TBL3: variants seen among roughly 807,000 people sequenced by gnomAD.
TBL3 encodes transducin beta like 3, also known as transducin beta-like protein 3.
TBL3 carries 71 observed loss-of-function variants against 102.7 expected under a neutral mutation model. That is an observed-to-expected ratio of 0.69 (90% CI 0.57 to 0.84). The LOEUF is 0.84. TBL3 is among the 40% of genes least tolerant of loss of function. TBL3 has a pLI of 0.00. For missense variants in TBL3, 1,188 were observed against 1,098.5 expected (o/e 1.08, Z -1.15); for synonymous variants, 578 against 477.7 (o/e 1.21, Z -2.74).
chr16:1,981,220 G>A lies in TBL3; in HGVS notation c.*2535G>A. On this transcript the variant is annotated 3_prime_UTR_variant, in exon 22 of 22. Coordinates refer to ENST00000568546, the MANE Select transcript of TBL3 (RefSeq NM_006453.3). Reference sequence around the variant, plus strand: ...GCTGCAGATTCCTGAAATGGGCGAGGACCCTTCTGCCTCCCCGTGCTTGAG... The same window carrying A: ...GCTGCAGATTCCTGAAATGGGCGAGAACCCTTCTGCCTCCCCGTGCTTGAG... 3.1e-6 allele frequency: 5 copies of A among 1,612,330 alleles called. No homozygotes were observed. Among genetic ancestry groups the A allele is most frequent in the Non-Finnish European group, 4.2e-6 (5 of 1,179,712 alleles).
Position 1,980,806 on chromosome 16 carries a change from G to T in TBL3, c.*2121G>T. On this transcript the variant is annotated 3_prime_UTR_variant, in exon 22 of 22. Coordinates refer to ENST00000568546, the MANE Select transcript of TBL3 (RefSeq NM_006453.3). The stretch of plus-strand genomic sequence containing the variant: ...TTGAGAGGGCGGGGTCCCTCACCCG[G>T]ATGGCAGGGGCTGGGAGCTTCAGCA... 6.7e-7 allele frequency: 1 copy of T among 1,497,328 alleles called. No individual in the cohort carries two copies. Among genetic ancestry groups the T allele is most frequent in the Non-Finnish European group, 9.1e-7 (1 of 1,095,074 alleles). The allele number at this position is 1,497,328 out of a possible 1,614,324, so 92.8% of individuals were successfully genotyped here. A position where few individuals can be genotyped will look rare whatever the true frequency, so the allele number is the denominator to read the frequency against.
intron 1 of TBL3, among the ~76,000 whole-genome samples, chr16:1,972,702 G>A (rs982372847): frequency 2.6e-5 from 4 of 152,226 alleles, no homozygotes; most frequent in African/African-American, 9.6e-5. Flanking sequence ...AGCAGTGCTG[G>A]TGCCCCCGCC....
intron 1 of TBL3, among the ~76,000 whole-genome samples, chr16:1,973,749 C>G (rs974437569): frequency 1.3e-5 from 2 of 152,162 alleles, no homozygotes; most frequent in Admixed American, 6.5e-5. Flanking sequence ...TCCCAAGGAG[C>G]CCCCTGGCTC....
chr16:1,974,517 C>T (rs925116125), intron 4 of TBL3, 21 bp from the exon 5 acceptor site: 4 of 1,591,766 alleles, frequency 2.5e-6, no homozygotes, highest in East Asian at 2.2e-5. Flanking sequence ...TGCCCCTCTG[C>T]TGACCTGTAC....
chr16:1,978,140 C>G lies in TBL3; in HGVS notation c.2063-9C>G, dbSNP rs772731053. ...GCTTTCCCCAGCTCAGCCTTCCCTT[C>G]TCCCACAGCCATCCGGAGGGACCCT... is the stretch of plus-strand genomic sequence containing the variant. On this transcript the variant is annotated splice_polypyrimidine_tract_variant and intron_variant, in intron 19 of 21. Coordinates refer to ENST00000568546, the MANE Select transcript of TBL3 (RefSeq NM_006453.3). 3.5e-5 allele frequency: 57 copies of G among 1,612,408 alleles called. 1 individual carries two copies. The East Asian group carries it at 1.2e-3, about 33-fold the overall frequency.
Position 1,979,263 on chromosome 16 carries a change from C to G in TBL3, c.*578C>G, listed in dbSNP as rs770391779. 1.1e-5 allele frequency: 17 copies of G among 1,537,632 alleles called. No individual in the cohort carries two copies. Among genetic ancestry groups the G allele is most frequent in the Non-Finnish European group, 6.1e-6 (7 of 1,149,292 alleles). On this transcript the variant is annotated 3_prime_UTR_variant, in exon 22 of 22. Coordinates refer to ENST00000568546, the MANE Select transcript of TBL3 (RefSeq NM_006453.3). ...GGCCTCACCCGCCGGGTCGTCTCCT[C>G]CACGGAACCCCGTCCCGCTCAGGAG...
At chr16:1,976,783 C>G (rs559011354) in intron 13 of TBL3, 31 bp from the exon 14 acceptor site, 4 of 1,610,770 alleles carry the variant, frequency 2.5e-6, no homozygotes, top group Non-Finnish European at 3.4e-6. Flanking sequence ...TGGGGCTCAG[C>G]TGTGTCTCCT....
At chr16:1,976,571 G>T (rs1175963990) in intron 13 of TBL3, among the ~76,000 whole-genome samples, 5 of 152,228 alleles carry the variant, frequency 3.3e-5, no homozygotes, top group Non-Finnish European at 7.4e-5. Context: ...GGCCCAGGTG[G>T]AGAGGTGACC....
chr16:1,977,495 C>G lies in TBL3; in HGVS notation c.1743-19C>G, dbSNP rs2083413208. The stretch of plus-strand genomic sequence containing the variant: ...GGGGGACCTGCCTGACGCTGAGCCT[C>G]TCCCCACCCCAAACCCAGCGGTTCG... On this transcript the variant is annotated intron_variant, in intron 16 of 21. Coordinates refer to ENST00000568546, the MANE Select transcript of TBL3 (RefSeq NM_006453.3). 3 of 1,609,468 alleles carry G rather than the reference C, an allele frequency of 1.9e-6. No individual in the cohort carries two copies. Among genetic ancestry groups the G allele is most frequent in the African/African-American group, 1.3e-5 (1 of 74,976 alleles).
Position 1,978,847 on chromosome 16 carries a change from G to T in TBL3, c.*162G>T, listed in dbSNP as rs1377325850. ...CACTGGAGCTGATGGTCTCGGCCCT[G>T]CCACGCCCATCCCGCACCCTGGCCT... is the stretch of plus-strand genomic sequence containing the variant. On this transcript the variant is annotated 3_prime_UTR_variant, in exon 22 of 22. Transcript: ENST00000568546. 2.6e-6 allele frequency: 3 copies of T among 1,156,320 alleles called. No homozygotes were observed. The highest frequency in any genetic ancestry group is 2.5e-5 in the East Asian group (1 of 40,502). The allele number at this position is 1,156,320 out of a possible 1,614,324, so 71.6% of individuals were successfully genotyped here.
At position 1,972,177 on chromosome 16, in the gene TBL3, G is replaced by A; in HGVS notation, c.13G>A (p.Ala5Thr). ...CGGCGGCGGCAACATGGCAGAGACC[G>A]CGGCCGGAGTGGGCCGCTTCAAGAC... MAET[A>T]AGVGRFKTNY... The change falls in exon 1 of 22, where the codon GCG becomes ACG. Residue 5 changes from alanine (A) to threonine (T), a missense_variant. By Grantham distance (58) the Ala-to-Thr change is moderately conservative (BLOSUM62 0). Coordinates refer to ENST00000568546, the MANE Select transcript of TBL3 (RefSeq NM_006453.3). 6.9e-7 allele frequency: 1 copy of A among 1,440,622 alleles called. No homozygotes were observed. Among genetic ancestry groups the A allele is most frequent in the Non-Finnish European group, 9.1e-7 (1 of 1,096,256 alleles). The allele number at this position is 1,440,622 out of a possible 1,614,324, so 89.2% of individuals were successfully genotyped here.
intron 1 of TBL3, among the ~76,000 whole-genome samples, chr16:1,973,171 G>T (rs1052038216): frequency 3.9e-4 from 59 of 152,186 alleles, no homozygotes; most frequent in African/African-American, 1.2e-3. Flanking sequence ...GCCGGGCGCG[G>T]TGGCTCACGC....
chr16:1,974,919 C>A lies in TBL3; in HGVS notation c.465-9C>A. ...CACAGCTCACCCATCCTGTCCCGTC[C>A]GCCCACAGCCTAGTGGCCTTCCACC... is the stretch of plus-strand genomic sequence containing the variant. On this transcript the variant is annotated splice_polypyrimidine_tract_variant and intron_variant, in intron 6 of 21. Transcript: ENST00000568546. 1 of 1,612,118 alleles carries A rather than the reference C, an allele frequency of 6.2e-7. No homozygotes were observed. The highest frequency in any genetic ancestry group is 8.5e-7 in the Non-Finnish European group (1 of 1,179,822).
At position 1,974,300 on chromosome 16, in the gene TBL3, C is replaced by T; in HGVS notation, c.189+8C>T. ...CTGCGGAGTCTGGAGCAGGTGAGGGCAGCCTGGGTGGGTGAGGGGCAAGTG... is the reference window on the plus strand; with the variant it reads ...CTGCGGAGTCTGGAGCAGGTGAGGGTAGCCTGGGTGGGTGAGGGGCAAGTG... On this transcript the variant is annotated splice_region_variant and intron_variant, in intron 3 of 21. Transcript: ENST00000568546. The T allele has an allele frequency of 6.3e-7, 1 of 1,585,720 alleles. No homozygotes were observed. The highest frequency in any genetic ancestry group is 8.6e-7 in the Non-Finnish European group (1 of 1,163,408).
chr16:1,980,870 C>T lies in TBL3; in HGVS notation c.*2185C>T. 1.7e-6 allele frequency: 2 copies of T among 1,147,522 alleles called. No individual in the cohort carries two copies. The highest frequency in any genetic ancestry group is 2.4e-6 in the Non-Finnish European group (2 of 834,438). The allele number at this position is 1,147,522 out of a possible 1,614,324, so 71.1% of individuals were successfully genotyped here. The stretch of plus-strand genomic sequence containing the variant: ...TCCAGTGGGAGTCACTGATGGGAGG[C>T]AGTCCAGTGGGAGGCAGCCGCGTGG... On this transcript the variant is annotated 3_prime_UTR_variant, in exon 22 of 22. Transcript: ENST00000568546.
rs768321102 is a variant in TBL3 at position 1,977,567 on chromosome 16, G to A, written c.1796G>A (p.Arg599Gln). 12 of 1,589,500 alleles carry A rather than the reference G, an allele frequency of 7.5e-6. No individual in the cohort carries two copies. The highest frequency in any genetic ancestry group is 2.3e-5 in the South Asian group (2 of 88,462). ...ACCATCAAGAACAACGAGTGTGTGC[G>A]GACGCTGGATGCCCACGAGGACAAG... ...LWTIKNNECVRTLDAHEDKVW... is the reference protein window; with the variant it reads ...LWTIKNNECVQTLDAHEDKVW... The change falls in exon 17 of 22, where the codon CGG becomes CAG. Residue 599 changes from arginine (R) to glutamine (Q), a missense_variant. By Grantham distance (43) the Arg-to-Gln change is conservative (BLOSUM62 1). Transcript: ENST00000568546.
intron 17 of TBL3, 24 bp from the exon 18 acceptor site, chr16:1,977,718 C>T (rs1308069220): frequency 6.4e-7 from 1 of 1,552,172 alleles, no homozygotes. Context: ...GTGGAGGCCC[C>T]ATCTGACCCT....
In TBL3 at chr16:1,980,656, C is replaced by G. The variant is rs754828616; in HGVS notation, c.*1971C>G. ...GCTCCCGTACCCAGGCTGGCCTGAC[C>G]GAGAAGCTTTGGGAGAACGCGGTCA... On this transcript the variant is annotated 3_prime_UTR_variant, in exon 22 of 22. Coordinates refer to ENST00000568546, the MANE Select transcript of TBL3 (RefSeq NM_006453.3). The G allele has an allele frequency of 3.7e-6, 6 of 1,605,164 alleles. No homozygotes were observed. The highest frequency in any genetic ancestry group is 5.1e-6 in the Non-Finnish European group (6 of 1,176,132).
chr16:1,981,704 T>G lies in TBL3; in HGVS notation c.*3019T>G. ...ACTCAGTGCTTACAGCTTTAAGTGCTTTGTCTGACTTAATCCTAATGCTGG... is the reference window on the plus strand; with the variant it reads ...ACTCAGTGCTTACAGCTTTAAGTGCGTTGTCTGACTTAATCCTAATGCTGG... On this transcript the variant is annotated 3_prime_UTR_variant, in exon 22 of 22. Transcript: ENST00000568546. The G allele has an allele frequency of 6.3e-6, 1 of 159,968 alleles. No individual in the cohort carries two copies. 9.9% of individuals were successfully genotyped at this position (159,968 alleles called of 1,614,324 possible).
Sources: allele counts gnomAD v4.1 joint callset (sites outside exome capture counted in the v4.1 genomes callset), GRCh38; gene constraint gnomAD v4.1.1; transcripts MANE v1.5; gene names NCBI Gene and HGNC (gene_info 2026-07-23, HGNC 2026-07-21).